The following CCDC125 variants were observed in gnomAD, a reference collection of about 807,000 sequenced individuals.
CCDC125 encodes the protein coiled-coil domain containing 125.
In CCDC125, 43 loss-of-function variants were observed where a neutral mutation model predicts 57.4. That is an observed-to-expected ratio of 0.75 (90% confidence interval 0.59 to 0.97). The LOEUF (loss-of-function observed/expected upper bound fraction) is 0.97. Among genes scored for constraint, CCDC125 ranks in the 50% least tolerant of loss-of-function variants. The pLI, the probability that CCDC125 is intolerant of heterozygous loss-of-function variation, is 0.00. For synonymous variants in CCDC125, 187 were observed against 195.2 expected, an observed-to-expected ratio of 0.96 and a Z score of 0.35; for missense variants, 563 against 595.7, an observed-to-expected ratio of 0.95 and a Z score of 0.57.
intron 9 of CCDC125, among the ~76,000 whole-genome samples, 155 bp from the exon 10 acceptor site, chr5:69,292,517 T>C (rs1316951703): frequency 6.6e-6 from 1 of 152,186 alleles, no homozygotes; most frequent in Admixed American, 6.6e-5. Flanking sequence ...AATTAATGCT[T>C]GCTATTTCTG....
intron 1 of CCDC125, among the ~76,000 whole-genome samples, chr5:69,322,263 G>A (rs1190230583): frequency 6.6e-6 from 1 of 152,086 alleles, no homozygotes; most frequent in African/African-American, 2.4e-5. Flanking sequence ...CGGATGACAG[G>A]AGTGAGGCAC....
At chr5:69,294,756 C>T (rs751576363) in intron 9 of CCDC125, 37 bp downstream of exon 9, 14 of 1,464,370 alleles carry the variant, frequency 9.6e-6, no homozygotes, top group Middle Eastern at 3.5e-4. Flanking sequence ...AACAGAGAAA[C>T]AAAACTAAAG....
At chr5:69,293,647 C>CA (rs10548889) in intron 9 of CCDC125, among the ~76,000 whole-genome samples, 34,750 of 131,390 alleles carry the variant, frequency 0.26, 5,034 homozygotes, top group African/African-American at 0.42. Context: ...GAATCCGTCT[C>CA]AAAAAAAAAA....
chr5:69,292,298 A>G lies in CCDC125; in HGVS notation c.989T>C (p.Phe330Ser), dbSNP rs765620348. 1 of 1,613,816 alleles carries G rather than the reference A, an allele frequency of 6.2e-7. No homozygotes were observed. Among genetic ancestry groups the G allele is most frequent in the South Asian group, 1.1e-5 (1 of 91,056 alleles). ...YVMADAFRIA[F>S]EQQLMRKNDQ... ...ATTTTTTCTCATTAATTGTTGCTCA[A>G]ATGCAATTCTGAAAGCATCTGCCAT... The change falls in exon 10 of 12, where the codon TTT (phenylalanine) becomes TCT (serine). Residue 330 changes from phenylalanine to serine, a missense_variant. Coordinates refer to ENST00000396496, the MANE Select transcript of CCDC125 (RefSeq NM_176816.5).
intron 5 of CCDC125, chr5:69,307,681 C>CA (rs34077586): frequency 0.37 from 107,754 of 293,248 alleles, 12,189 homozygotes; most frequent in Admixed American, 0.42. Context: ...GACTCCATCT[C>CA]AAAAAAAAAA....
intron 11 of CCDC125, among the ~76,000 whole-genome samples, chr5:69,283,995 TAGTC>T (rs778945170): frequency 6.6e-6 from 1 of 151,540 alleles, no homozygotes; most frequent in Non-Finnish European, 1.5e-5. Context: ...TTCACCGTGT[TAGTC>T]AGGATGGTCT....
chr5:69,287,175 T>A (rs1160020735), intron 10 of CCDC125, among the ~76,000 whole-genome samples: 1 of 151,792 alleles, frequency 6.6e-6, no homozygotes, highest in East Asian at 1.9e-4. Context: ...AATATACTAA[T>A]AAAATGAATT....
rs770543315 is a variant in CCDC125, at chr5:69,280,335, A to C, written c.*2394T>G. 5 of 152,216 alleles carry C rather than the reference A, an allele frequency of 3.3e-5. No homozygotes were observed. Among genetic ancestry groups the C allele is most frequent in the Non-Finnish European group, 7.3e-5 (5 of 68,046 alleles). 9.4% of individuals were successfully genotyped at this position (152,216 alleles called of 1,614,324 possible). On this transcript the variant is annotated 3_prime_UTR_variant, in exon 12 of 12. Coordinates refer to ENST00000396496, the MANE Select transcript of CCDC125 (RefSeq NM_176816.5). The stretch of plus-strand genomic sequence containing the variant: ...ATCCTTTGCACATGATAATAATAAA[A>C]AACACACCTCTAGGTGGAAATTTAA...
downstream of CCDC125, chr5:69,276,664 GGAAAA>G (rs1295496953): frequency 1.2e-6 from 2 of 1,614,020 alleles, no homozygotes. Flanking sequence ...GCAATAAAAA[GGAAAA>G]GAACAGAGGC....
chr5:69,285,111 A>C (rs1012168326), intron 11 of CCDC125, among the ~76,000 whole-genome samples: 1 of 137,298 alleles, frequency 7.3e-6, no homozygotes, highest in Non-Finnish European at 1.7e-5. Flanking sequence ...AACAAACAAA[A>C]AAACCAAAAA....
chr5:69,298,857 A>C (rs1755854177), intron 8 of CCDC125, among the ~76,000 whole-genome samples: 1 of 152,204 alleles, frequency 6.6e-6, no homozygotes. Context: ...ACAGACTCTA[A>C]GCTCTGTCTA....
chr5:69,303,198 C>CTGT (rs1309143696), intron 7 of CCDC125, among the ~76,000 whole-genome samples: 3 of 151,534 alleles, frequency 2.0e-5, no homozygotes, highest in African/African-American at 2.4e-5. Context: ...TTTGGTTTTT[C>CTGT]TGTTGTTGTT....
At chr5:69,276,140 T>C (rs371780800), downstream of CCDC125, among the ~76,000 whole-genome samples, 2 of 152,142 alleles carry the variant, frequency 1.3e-5, no homozygotes, top group South Asian at 4.1e-4. Context: ...GCGATTCTCC[T>C]ACCTCAGCCT....
intron 6 of CCDC125, among the ~76,000 whole-genome samples, chr5:69,306,417 C>G (rs1757341470): frequency 6.6e-6 from 1 of 152,162 alleles, no homozygotes; most frequent in Non-Finnish European, 1.5e-5. Context: ...CAGCCTCCAA[C>G]TCCCAGGCCC....
At chr5:69,327,934 T>G (rs1760933291) in intron 1 of CCDC125, among the ~76,000 whole-genome samples, 1 of 152,216 alleles carries the variant, frequency 6.6e-6, no homozygotes, top group Non-Finnish European at 1.5e-5. Flanking sequence ...CTTTTGGTTT[T>G]ATTGAGGGCT....
the CCDC125 span, chr5:69,273,182 T>A: frequency 1.7e-6 from 1 of 596,432 alleles, no homozygotes; most frequent in Non-Finnish European, 2.8e-6. Context: ...ACAAACTTTG[T>A]ATCTTTTCCC....
Position 69,292,200 on chromosome 5 carries a change from G to C in CCDC125, c.1087C>G (p.Leu363Val). 2 of 1,612,382 alleles carry C rather than the reference G, an allele frequency of 1.2e-6. No individual in the cohort carries two copies. The highest frequency in any genetic ancestry group is 1.7e-6 in the Non-Finnish European group (2 of 1,179,478). Residue 363 changes from leucine (L) to valine (V), a missense_variant, in exon 10 of 12, where the codon CTT becomes GTT. Coordinates refer to ENST00000396496, the MANE Select transcript of CCDC125 (RefSeq NM_176816.5). ...KATKWMNWKH[L>V]KEDGFPSPRS... is the part of the protein sequence containing the mutation. ...AATTCATAGTTACCATCCTCTTTAA[G>C]GTGCTTCCAATTCATCCATTTTGTT...
chr5:69,277,886 A>G (rs1018362776), downstream of CCDC125, among the ~76,000 whole-genome samples: 4 of 151,986 alleles, frequency 2.6e-5, no homozygotes, highest in Non-Finnish European at 5.9e-5. Context: ...ATTCCCCCCA[A>G]CCTTTTTTCT....
downstream of CCDC125, among the ~76,000 whole-genome samples, chr5:69,275,638 A>G (rs1319880880): frequency 1.3e-5 from 2 of 152,232 alleles, no homozygotes; most frequent in Non-Finnish European, 2.9e-5. Flanking sequence ...ACTTTGTTTT[A>G]TGTACAAAAT....
Sources: allele counts gnomAD v4.1 joint callset (sites outside exome capture counted in the v4.1 genomes callset), GRCh38; gene constraint gnomAD v4.1.1; transcripts MANE v1.5; gene names NCBI Gene and HGNC (gene_info 2026-07-23, HGNC 2026-07-21).